Variants in PCDH15 observed in about 807,000 individuals in gnomAD.
PCDH15 encodes protocadherin-15.
PCDH15 carries 129 observed loss-of-function variants against 178.5 expected under a neutral mutation model. That is an observed-to-expected ratio of 0.72 (90% CI 0.63 to 0.84). The LOEUF is 0.84. Ranked by LOEUF, PCDH15 falls within the 40% of genes least tolerant of loss-of-function variation. PCDH15 has a pLI of 0.00. For synonymous variants in PCDH15, 800 were observed against 732.0 expected, an observed-to-expected ratio of 1.09 and a Z score of -1.50; for missense variants, 2,230 against 2,099.9, an observed-to-expected ratio of 1.06 and a Z score of -1.21.
At chr10:54,748,740 T>A (rs1945800166) in intron 1 of PCDH15, among the ~76,000 whole-genome samples, 1 of 152,210 alleles carries the variant, frequency 6.6e-6, no homozygotes, top group South Asian at 2.1e-4. Context: ...ATCTCTAATA[T>A]AAACAGGCTC....
At chr10:53,907,408 C>G (rs747726139) in intron 25 of PCDH15, among the ~76,000 whole-genome samples, 1 of 152,120 alleles carries the variant, frequency 6.6e-6, no homozygotes, top group Non-Finnish European at 1.5e-5. Flanking sequence ...TGCCTAATAT[C>G]CTAGTATTCC....
intron 3 of PCDH15, among the ~76,000 whole-genome samples, chr10:54,465,736 C>A (rs1020515769): frequency 6.6e-6 from 1 of 151,890 alleles, no homozygotes; most frequent in African/African-American, 2.4e-5. Context: ...ATACTGATTT[C>A]TTCTCTTTTG....
chr10:55,086,729 G>T (rs2132031516), intron 2 of PCDH15, among the ~76,000 whole-genome samples: 1 of 152,036 alleles, frequency 6.6e-6, no homozygotes, highest in Admixed American at 6.6e-5. Flanking sequence ...TCAATTTCCT[G>T]TCATTTCTAA....
At chr10:54,983,421 G>A (rs1382309243) in intron 2 of PCDH15, among the ~76,000 whole-genome samples, 2 of 152,070 alleles carry the variant, frequency 1.3e-5, no homozygotes, top group African/African-American at 4.8e-5. Context: ...GACAGTAAAT[G>A]TATGCTGACA....
chr10:54,723,953 G>A (rs1481719317), intron 1 of PCDH15, among the ~76,000 whole-genome samples: 2 of 151,688 alleles, frequency 1.3e-5, no homozygotes, highest in African/African-American at 4.8e-5. Flanking sequence ...ATGTTAATCA[G>A]TTCATCTTCT....
intron 6 of PCDH15, among the ~76,000 whole-genome samples, chr10:54,345,499 A>T (rs951424167): frequency 4.6e-5 from 7 of 152,104 alleles, no homozygotes; most frequent in African/African-American, 7.2e-5. Flanking sequence ...CCTCAAAGAA[A>T]GTGGGGAGAT....
intron 8 of PCDH15, among the ~76,000 whole-genome samples, chr10:54,302,663 T>C (rs2060210444): frequency 4.6e-5 from 7 of 152,126 alleles, no homozygotes; most frequent in Admixed American, 4.6e-4. Context: ...AATGCCTAGT[T>C]TGTGGTATTT....
chr10:54,936,459 T>C (rs182809836), intron 2 of PCDH15, among the ~76,000 whole-genome samples: 2 of 151,920 alleles, frequency 1.3e-5, no homozygotes, highest in Non-Finnish European at 2.9e-5. Flanking sequence ...TGCCAAACAG[T>C]TTTCTAAGAT....
chr10:54,103,755 C>CT (rs901725861), intron 15 of PCDH15, among the ~76,000 whole-genome samples: 1 of 152,044 alleles, frequency 6.6e-6, no homozygotes, highest in Admixed American at 6.6e-5. Flanking sequence ...TTATTATAAC[C>CT]TTTTTTTAAC....
chr10:53,995,994 A>T (rs2091825190), intron 20 of PCDH15, among the ~76,000 whole-genome samples: 2 of 152,158 alleles, frequency 1.3e-5, no homozygotes, highest in South Asian at 4.1e-4. Context: ...ACTGGAATAA[A>T]GTCTTTCACC....
intron 6 of PCDH15, among the ~76,000 whole-genome samples, chr10:54,343,654 T>G (rs1857131): frequency 0.73 from 105,215 of 143,514 alleles, 39,591 homozygotes; most frequent in African/African-American, 0.85. Flanking sequence ...CGGGGGGAGG[T>G]GGGAGGGGAG....
intron 1 of PCDH15, among the ~76,000 whole-genome samples, chr10:54,723,260 G>A (rs111803757): frequency 0.12 from 18,442 of 151,352 alleles, 1,240 homozygotes; most frequent in African/African-American, 0.17. Context: ...CTTACAATCA[G>A]TCGATCTTCA....
At chr10:55,521,173 A>G (rs1316831184) in intron 2 of PCDH15, among the ~76,000 whole-genome samples, 3 of 151,900 alleles carry the variant, frequency 2.0e-5, no homozygotes, top group African/African-American at 4.8e-5. Flanking sequence ...ATCATATGGT[A>G]TTTGTCTTTC....
intron 2 of PCDH15, among the ~76,000 whole-genome samples, chr10:54,642,825 G>T (rs1270005728): frequency 6.6e-6 from 1 of 152,148 alleles, no homozygotes; most frequent in Admixed American, 6.6e-5. Flanking sequence ...TATATAAAAA[G>T]TATCAGTCTT....
In PCDH15 at chr10:53,829,790, T is replaced by C. The variant is rs764342347; in HGVS notation, c.4203-1217A>G. On this transcript the variant is annotated intron_variant, in intron 30 of 37. Transcript: ENST00000644397. ...GGAGTCATGCAGCAAGCCCTAGTTA[T>C]ACTCTTGGCCTCACTTTGAAAACGG... 3.9e-5 allele frequency among the ~76,000 whole-genome samples: 6 copies of C among 152,194 alleles called. No individual in the cohort carries two copies. In the East Asian group the frequency reaches 9.6e-4, roughly 24 times the overall value.
At chr10:54,116,593 G>A (rs576923743) in intron 15 of PCDH15, among the ~76,000 whole-genome samples, 4 of 152,332 alleles carry the variant, frequency 2.6e-5, no homozygotes, top group African/African-American at 9.6e-5. Context: ...CATGGAATCA[G>A]TAGAATTCAA....
At chr10:54,092,661 T>G (rs2094619535) in intron 15 of PCDH15, among the ~76,000 whole-genome samples, 2 of 152,104 alleles carry the variant, frequency 1.3e-5, no homozygotes, top group Non-Finnish European at 2.9e-5. Flanking sequence ...ATAAAATGGA[T>G]AGTAGACGCT....
chr10:54,305,933 A>T (rs1461608145), intron 8 of PCDH15, among the ~76,000 whole-genome samples: 1 of 152,060 alleles, frequency 6.6e-6, no homozygotes, highest in Non-Finnish European at 1.5e-5. Flanking sequence ...AGGTAGTAGA[A>T]GCAGATGGGA....
At chr10:54,778,430 A>T (rs547266476) in intron 1 of PCDH15, among the ~76,000 whole-genome samples, 1 of 152,292 alleles carries the variant, frequency 6.6e-6, no homozygotes, top group African/African-American at 2.4e-5. Context: ...GTTTCTCTGA[A>T]TAAGTATTAT....
Sources: allele counts gnomAD v4.1 joint callset (sites outside exome capture counted in the v4.1 genomes callset), GRCh38; gene constraint gnomAD v4.1.1; transcripts MANE v1.5; gene names NCBI Gene and HGNC (gene_info 2026-07-23, HGNC 2026-07-21).